Variants in CCDC77 observed in about 807,000 individuals in gnomAD.
CCDC77 encodes the protein coiled-coil domain-containing protein 77.
Under a neutral mutation model 66.8 loss-of-function variants are expected in CCDC77, and 56 were observed. The ratio of observed to expected loss-of-function variants is 0.84; its 90% CI spans 0.68 to 1.05. The LOEUF (loss-of-function observed/expected upper bound fraction) is 1.05, where lower values mean the gene tolerates loss of function less well. Ranked by LOEUF, CCDC77 falls within the 50% of genes least tolerant of loss-of-function variation. The pLI is 0.00. For missense variants in CCDC77, 570 were observed against 576.8 expected (o/e 0.99, Z 0.12); for synonymous variants, 196 against 195.2 (o/e 1.00, Z -0.03).
Position 442,552 on chromosome 12 carries a change from A to G in CCDC77, c.*632A>G, listed in dbSNP as rs1766624363. ...TGAAGCTGAGATGATGCTTGTATGG[A>G]AAGTTTGATATTTTTATCAGTCACA... On this transcript the variant is annotated 3_prime_UTR_variant, in exon 13 of 13. Transcript: ENST00000239830. The G allele has an allele frequency of 1.3e-5, 2 of 152,194 alleles. No homozygotes were observed. Among genetic ancestry groups the G allele is most frequent in the Admixed American group, 1.3e-4 (2 of 15,280 alleles). 9.4% of individuals were successfully genotyped at this position (152,194 alleles called of 1,614,324 possible).
intron 4 of CCDC77, among the ~76,000 whole-genome samples, chr12:413,899 A>G (rs1428185455): frequency 1.3e-5 from 2 of 151,646 alleles, no homozygotes; most frequent in East Asian, 1.9e-4. Context: ...AAGTGCTGGG[A>G]TTACAGGCGT....
chr12:413,941 A>C (rs1945170302), intron 4 of CCDC77, among the ~76,000 whole-genome samples: 2 of 150,902 alleles, frequency 1.3e-5, no homozygotes, highest in South Asian at 2.1e-4. Context: ...AAATGTCTTG[A>C]CTGCAGTTTC....
chr12:408,106 A>G (rs1203739748), intron 2 of CCDC77, among the ~76,000 whole-genome samples: 17 of 152,144 alleles, frequency 1.1e-4, no homozygotes, highest in Admixed American at 7.9e-4. Flanking sequence ...AAGATTTTAA[A>G]TAGATTATAC....
chr12:419,239 G>C (rs578102102), intron 5 of CCDC77, among the ~76,000 whole-genome samples: 94 of 152,328 alleles, frequency 6.2e-4, no homozygotes, highest in Admixed American at 1.2e-3. Flanking sequence ...GGCAGCAAAG[G>C]ACTGAGAATT....
In CCDC77 at chr12:423,489, G is replaced by GGT. The variant is rs1945467317; in HGVS notation, c.413+4853_413+4854insGT. Among the ~76,000 whole-genome samples the GGT allele has an allele frequency of 4.6e-4, 15 of 32,682 alleles. 2 individuals carry two copies. Among genetic ancestry groups the GGT allele is most frequent in the Admixed American group, 8.2e-4 (2 of 2,444 alleles). 21.4% of individuals were successfully genotyped at this position (32,682 alleles called of 152,430 possible). A position where few individuals can be genotyped will look rare whatever the true frequency, so the allele number is the denominator to read the frequency against. ...TTTTGTGTTTTTTGTGTTTTTTTTT[G>GGT]TTTTGTTTTTTTTTTTTTTTTTTTG... On this transcript the variant is annotated intron_variant, in intron 5 of 12. Coordinates refer to ENST00000239830, the MANE Select transcript of CCDC77 (RefSeq NM_032358.4).
At chr12:423,489 GTTTTGTTTT>G in intron 5 of CCDC77, among the ~76,000 whole-genome samples, 1 of 32,684 alleles carries the variant, frequency 3.1e-5, no homozygotes, top group Non-Finnish European at 5.6e-5. Context: ...GTTTTTTTTT[GTTTTGTTTT>G]TTTTTTTTTT....
chr12:429,140 A>C (rs1275016782), intron 6 of CCDC77, among the ~76,000 whole-genome samples: 1 of 152,184 alleles, frequency 6.6e-6, no homozygotes, highest in African/African-American at 2.4e-5. Flanking sequence ...GTGTGGGAGC[A>C]AGTTTTGATG....
In CCDC77 at chr12:411,788, C is replaced by T. The variant is rs1314933273; in HGVS notation, c.80C>T (p.Pro27Leu). The T allele has an allele frequency of 6.2e-7, 1 of 1,613,886 alleles. No homozygotes were observed. Among genetic ancestry groups the T allele is most frequent in the African/African-American group, 1.3e-5 (1 of 74,876 alleles). The change falls in exon 4 of 13, where the codon CCC (proline) becomes CTC (leucine). Residue 27 changes from proline (P) to leucine (L), a missense_variant. Physicochemically the swap from Pro to Leu is moderately conservative, Grantham distance 98. Transcript: ENST00000239830. ...VSKRGVAVSG[P>L]TKRRGMADSL... ...AAACGTGGTGTTGCCGTCAGTGGTCCCACCAAGAGGAGGGGAATGGCAGAT... is the reference window on the plus strand; with the variant it reads ...AAACGTGGTGTTGCCGTCAGTGGTCTCACCAAGAGGAGGGGAATGGCAGAT...
In CCDC77 at chr12:405,498, CTT is replaced by C. The variant is rs1157118779; in HGVS notation, c.-70-11_-70-10del. ...TAATCCTTCCATGCCAATCCAATAA[CTT>C]TATTTTCTAGGTTATTTGGACAAGA... On this transcript the variant is annotated splice_polypyrimidine_tract_variant and intron_variant, in intron 1 of 12. Coordinates refer to ENST00000239830, the MANE Select transcript of CCDC77 (RefSeq NM_032358.4). The C allele has an allele frequency of 6.6e-6, 1 of 152,122 alleles. No individual in the cohort carries two copies. The highest frequency in any genetic ancestry group is 2.4e-5 in the African/African-American group (1 of 41,412). 9.4% of individuals were successfully genotyped at this position (152,122 alleles called of 1,614,324 possible). A position where few individuals can be genotyped will look rare whatever the true frequency, so the allele number is the denominator to read the frequency against.
Position 411,956 on chromosome 12 carries a change from A to G in CCDC77, c.248A>G (p.Tyr83Cys), listed in dbSNP as rs374215012. The G allele has an allele frequency of 5.0e-6, 8 of 1,613,582 alleles. No individual in the cohort carries two copies. The highest frequency in any genetic ancestry group is 1.3e-5 in the African/African-American group (1 of 74,892). ...NEDLLKKLEL[Y>C]KEACEGQHKL... ...GACTTGCTGAAGAAACTGGAACTCT[A>G]CAAAGAAGCTTGTGAAGGACAGGTA... Residue 83 changes from tyrosine (Y) to cysteine (C), a missense_variant, in exon 4 of 13, where the codon TAC becomes TGC. By Grantham distance (194) the Tyr-to-Cys change is radical. Coordinates refer to ENST00000239830, the MANE Select transcript of CCDC77 (RefSeq NM_032358.4).
intron 4 of CCDC77, among the ~76,000 whole-genome samples, chr12:416,039 C>A (rs1294558877): frequency 6.6e-6 from 1 of 151,814 alleles, no homozygotes; most frequent in Non-Finnish European, 1.5e-5. Flanking sequence ...CGCCTGACCA[C>A]AGATGACCCA....
chr12:429,709 T>A (rs1010042807), intron 6 of CCDC77, among the ~76,000 whole-genome samples: 1 of 152,114 alleles, frequency 6.6e-6, no homozygotes, highest in Non-Finnish European at 1.5e-5. Context: ...TCCGCCCACC[T>A]TGGCCTGTCA....
chr12:428,990 G>A, intron 6 of CCDC77, 125 bp downstream of exon 6: 2 of 562,044 alleles, frequency 3.6e-6, no homozygotes, highest in Non-Finnish European at 3.2e-6. Flanking sequence ...ACAGTGCCTT[G>A]TTTGCCTGAG....
chr12:433,509 G>T, intron 9 of CCDC77, 187 bp downstream of exon 9: 1 of 1,366,750 alleles, frequency 7.3e-7, no homozygotes, highest in South Asian at 1.8e-5. Flanking sequence ...CTGTTGAAGA[G>T]CTGATGAGTA....
intron 1 of CCDC77, among the ~76,000 whole-genome samples, chr12:393,145 G>A (rs1944780397): frequency 6.6e-6 from 1 of 152,054 alleles, no homozygotes; most frequent in African/African-American, 2.4e-5. Flanking sequence ...TAGACACAGG[G>A]TGTCACTCCG....
Position 436,279 on chromosome 12 carries a change from G to A in CCDC77, c.822-2056G>A, listed in dbSNP as rs182126781. Among the ~76,000 whole-genome samples the A allele has an allele frequency of 5.1e-3, 768 of 151,210 alleles. 7 individuals are homozygous for A. The highest frequency in any genetic ancestry group is 0.017 in the African/African-American group (716 of 41,172). Reference sequence around the variant, plus strand: ...ACTACAGGCGCCCACCACCACGCCCGGCTAATTTTTTTTTTTTAATTGTAT... The same window carrying A: ...ACTACAGGCGCCCACCACCACGCCCAGCTAATTTTTTTTTTTTAATTGTAT... On this transcript the variant is annotated intron_variant, in intron 9 of 12. Transcript: ENST00000239830.
upstream of CCDC77, among the ~76,000 whole-genome samples, chr12:401,257 T>A (rs1944889745): frequency 1.3e-5 from 2 of 152,202 alleles, no homozygotes; most frequent in South Asian, 4.1e-4. Context: ...TTTCTTAGAA[T>A]CTTTATCTCT....
chr12:415,570 T>C (rs1184982826), intron 4 of CCDC77, among the ~76,000 whole-genome samples: 1 of 144,818 alleles, frequency 6.9e-6, no homozygotes, highest in Non-Finnish European at 1.5e-5. Flanking sequence ...CATAATAATA[T>C]GTTAATAAAA....
In CCDC77 at chr12:438,541, G is replaced by A; in HGVS notation, c.1028G>A (p.Ser343Asn). ...ATGCATGAGAGTCACCATGCTCAAAGTGAATATATTAAGGTAATGTCCTTA... is the reference window on the plus strand; with the variant it reads ...ATGCATGAGAGTCACCATGCTCAAAATGAATATATTAAGGTAATGTCCTTA... ...PVMHESHHAQ[S>N]EYIKSLKDKL... Residue 343 changes from serine to asparagine, a missense_variant, in exon 10 of 13, where the codon AGT (serine) becomes AAT (asparagine). By Grantham distance (46) the Ser-to-Asn change is conservative. Transcript: ENST00000239830. 3.7e-6 allele frequency: 6 copies of A among 1,611,262 alleles called. No individual in the cohort carries two copies. Among genetic ancestry groups the A allele is most frequent in the Non-Finnish European group, 5.1e-6 (6 of 1,177,948 alleles).
Sources: gnomAD v4.1 joint callset for allele counts (sites outside exome capture counted in the v4.1 genomes callset) on GRCh38, gnomAD v4.1.1 for gene constraint, MANE v1.5 for transcripts, NCBI Gene and HGNC (gene_info 2026-07-23, HGNC 2026-07-21) for gene names.